Variants in LAMB1 observed in about 807,000 individuals in gnomAD.
LAMB1 encodes the protein laminin subunit beta 1.
A neutral mutation model predicts 222.3 loss-of-function variants in LAMB1; 121 were observed. The ratio of observed to expected loss-of-function variants is 0.54; its 90% CI spans 0.47 to 0.63. The LOEUF is 0.63. Ranked by LOEUF, LAMB1 falls within the 30% of genes least tolerant of loss-of-function variation. The pLI is 0.00. For synonymous variants in LAMB1, 794 were observed against 807.2 expected (o/e 0.98, Z 0.28); for missense variants, 2,172 against 2,240.8 (o/e 0.97, Z 0.62).
At chr7:107,964,154 C>T (rs188776044) in intron 14 of LAMB1, among the ~76,000 whole-genome samples, 21 of 152,320 alleles carry the variant, frequency 1.4e-4, no homozygotes, top group East Asian at 3.9e-4. Flanking sequence ...CAGCCAGCCT[C>T]CAGCTGTTTC....
At position 107,958,351 on chromosome 7, in the gene LAMB1, C is replaced by T. The variant is rs143796080; in HGVS notation, c.2690+898G>A. 9.5e-4 allele frequency among the ~76,000 whole-genome samples: 145 copies of T among 152,204 alleles called. 1 individual carries two copies. The highest frequency in any genetic ancestry group is 3.2e-3 in the African/African-American group (133 of 41,520). On this transcript the variant is annotated intron_variant, in intron 20 of 33. Transcript: ENST00000222399. ...CTTGAGTACCGTTCTAGCATTGAGC[C>T]GAGAGCCACGTGTTTGCCTCCATGA...
Position 107,923,902 on chromosome 7 carries a change from ATG to A in LAMB1, c.*47_*48del. The A allele has an allele frequency of 6.6e-7, 1 of 1,526,120 alleles. No homozygotes were observed. Among genetic ancestry groups the A allele is most frequent in the Non-Finnish European group, 8.9e-7 (1 of 1,128,652 alleles). The allele number at this position is 1,526,120 out of a possible 1,614,324, so 94.5% of individuals were successfully genotyped here. ...GAAGAGCATTAAGTCAGTTTTTAAA[ATG>A]TAGTTGTTTTACCTTGTTCACCTCA... On this transcript the variant is annotated 3_prime_UTR_variant, in exon 34 of 34. Coordinates refer to ENST00000222399, the MANE Select transcript of LAMB1 (RefSeq NM_002291.3).
At chr7:107,987,831 G>T (rs1584535197) in intron 5 of LAMB1, among the ~76,000 whole-genome samples, 1 of 152,196 alleles carries the variant, frequency 6.6e-6, no homozygotes, top group African/African-American at 2.4e-5. Context: ...GCAACAAGGT[G>T]TTTTCCAGGC....
intron 5 of LAMB1, among the ~76,000 whole-genome samples, chr7:107,994,137 T>A (rs545485152): frequency 6.6e-6 from 1 of 152,354 alleles, no homozygotes; most frequent in Non-Finnish European, 1.5e-5. Flanking sequence ...AAGCAATAAC[T>A]AAATTATGGG....
intron 5 of LAMB1, 116 bp from the exon 6 acceptor site, chr7:107,986,479 T>C (rs535672704): frequency 2.6e-6 from 2 of 781,300 alleles, no homozygotes; most frequent in Non-Finnish European, 4.0e-6. Flanking sequence ...TGCATATGGT[T>C]TGTATTTCAG....
chr7:107,994,000 G>C (rs2034234912), intron 5 of LAMB1, among the ~76,000 whole-genome samples: 1 of 152,216 alleles, frequency 6.6e-6, no homozygotes, highest in Non-Finnish European at 1.5e-5. Context: ...GGCAGAGACA[G>C]TGAGACTTTC....
At chr7:107,987,537 G>A (rs1050221247) in intron 5 of LAMB1, among the ~76,000 whole-genome samples, 3 of 152,174 alleles carry the variant, frequency 2.0e-5, no homozygotes, top group African/African-American at 7.2e-5. Flanking sequence ...GAGTCTCGCT[G>A]TGGCCCAGGC....
rs992592452 is a variant in LAMB1, at chr7:107,953,702, A to G, written c.2907T>C (p.Val969=). 3.1e-6 allele frequency: 5 copies of G among 1,614,024 alleles called. No individual in the cohort carries two copies. Among genetic ancestry groups the G allele is most frequent in the African/African-American group, 1.3e-5 (1 of 74,882 alleles). ...ASGYFGNPSE[V]GGSCQPCQCH... is the part of the protein sequence containing the mutation. Reference sequence around the variant, plus strand: ...ACTGGCAAGGCTGACACGACCCCCCAACTTCTGATGGATTGCCAAAGTATC... The same window carrying G: ...ACTGGCAAGGCTGACACGACCCCCCGACTTCTGATGGATTGCCAAAGTATC... Residue 969 remains valine, a synonymous_variant, in exon 22 of 34, where the codon GTT becomes GTC. Transcript: ENST00000222399.
chr7:107,986,586 A>G (rs927040715), intron 5 of LAMB1, among the ~76,000 whole-genome samples: 1 of 152,148 alleles, frequency 6.6e-6, no homozygotes, highest in Non-Finnish European at 1.5e-5. Flanking sequence ...TCCCCACCCT[A>G]CTGGATAAGT....
intron 25 of LAMB1, 73 bp downstream of exon 25, chr7:107,939,916 G>C: frequency 6.6e-7 from 1 of 1,512,008 alleles, no homozygotes; most frequent in Non-Finnish European, 9.0e-7. Flanking sequence ...CACCATGCCA[G>C]GAAATCTTTG....
chr7:107,939,369 C>T (rs1371368108), intron 25 of LAMB1, among the ~76,000 whole-genome samples: 1 of 152,084 alleles, frequency 6.6e-6, no homozygotes, highest in African/African-American at 2.4e-5. Flanking sequence ...GAGGACTTTT[C>T]AGCATAGAGC....
chr7:107,980,860 G>GTT (rs76389339), intron 7 of LAMB1, 49 bp from the exon 8 acceptor site: 987 of 911,476 alleles, frequency 1.1e-3, no homozygotes, highest in Non-Finnish European at 1.3e-3. Flanking sequence ...CAAGCAAGAA[G>GTT]TTTTTTTTTT....
chr7:107,940,525 G>A, intron 24 of LAMB1, 167 bp from the exon 25 acceptor site: 1 of 649,926 alleles, frequency 1.5e-6, no homozygotes, highest in South Asian at 2.0e-5. Context: ...TCTAGCACAT[G>A]CGTGACTTCA....
intron 15 of LAMB1, 87 bp from the exon 16 acceptor site, chr7:107,961,763 G>T (rs910055771): frequency 7.0e-7 from 1 of 1,420,180 alleles, no homozygotes. Context: ...CAATTGCCAA[G>T]TTGAAATGGA....
chr7:107,992,442 A>C (rs2034203402), intron 5 of LAMB1, among the ~76,000 whole-genome samples: 1 of 152,230 alleles, frequency 6.6e-6, no homozygotes, highest in African/African-American at 2.4e-5. Context: ...AAAGTAGGGT[A>C]GTTTCTTACA....
rs1308055342 is a variant in LAMB1 at position 107,975,902 on chromosome 7, A to G, written c.1001-25T>C. ...TCTGCGTGACAAGAGCAACGTCAAG[A>G]AAAGCTTTTTAAATCTATGGACCAA... On this transcript the variant is annotated intron_variant, in intron 9 of 33. Coordinates refer to ENST00000222399, the MANE Select transcript of LAMB1 (RefSeq NM_002291.3). The G allele has an allele frequency of 2.5e-6, 4 of 1,606,016 alleles. No homozygotes were observed. In the South Asian group the frequency reaches 3.3e-5, roughly 13 times the overall value.
At chr7:107,942,560 C>T (rs954154502) in intron 24 of LAMB1, 1 of 152,170 alleles carries the variant, frequency 6.6e-6, no homozygotes, top group African/African-American at 2.4e-5. Context: ...TAAATCCTGC[C>T]TTCTCCACAC....
intron 7 of LAMB1, among the ~76,000 whole-genome samples, chr7:107,984,991 G>C (rs919732684): frequency 1.3e-5 from 2 of 152,180 alleles, no homozygotes; most frequent in East Asian, 1.9e-4. Flanking sequence ...GGTGGGTTTT[G>C]TAAGAGAGAA....
At chr7:107,947,983 C>CTTT (rs10630521) in intron 24 of LAMB1, among the ~76,000 whole-genome samples, 5,952 of 117,144 alleles carry the variant, frequency 0.051, 520 homozygotes, top group African/African-American at 0.14. Context: ...TCTTCTTCTT[C>CTTT]TTTTTTTTTT....
Sources: allele counts gnomAD v4.1 joint callset (sites outside exome capture counted in the v4.1 genomes callset), GRCh38; gene constraint gnomAD v4.1.1; transcripts MANE v1.5; gene names NCBI Gene and HGNC (gene_info 2026-07-23, HGNC 2026-07-21).